The following SAMD5 variants were observed in gnomAD, a reference collection of about 807,000 sequenced individuals.
The protein encoded by SAMD5 is sterile alpha motif domain-containing protein 5.
In SAMD5, 13 loss-of-function variants were observed where a neutral mutation model predicts 11.3. That is an observed-to-expected ratio of 1.15 (90% CI 0.75 to 1.83). The LOEUF (loss-of-function observed/expected upper bound fraction) is 1.83. Ranked by LOEUF, SAMD5 falls within the 40% of genes most tolerant of loss-of-function variation. The probability of loss-of-function intolerance (pLI) is 0.00; values close to 1 mark genes in which losing one functional copy is unlikely to be tolerated. For missense variants in SAMD5, 255 were observed against 239.1 expected, an observed-to-expected ratio of 1.07 and a Z score of -0.44; for synonymous variants, 129 against 111.3, an observed-to-expected ratio of 1.16 and a Z score of -1.00.
the SAMD5 span, among the ~76,000 whole-genome samples, chr6:147,759,977 T>C: frequency 6.6e-6 from 1 of 152,364 alleles, no homozygotes; most frequent in Admixed American, 6.5e-5. Flanking sequence ...GAATTCATTG[T>C]GTAAAATTGA....
chr6:147,842,221 G>C, the SAMD5 span, among the ~76,000 whole-genome samples: 1 of 152,000 alleles, frequency 6.6e-6, no homozygotes, highest in South Asian at 2.1e-4. Flanking sequence ...TCAGTGGTCT[G>C]GTTAAAGTTG....
the SAMD5 span, among the ~76,000 whole-genome samples, chr6:147,798,026 A>G: frequency 6.6e-6 from 1 of 150,782 alleles, no homozygotes; most frequent in African/African-American, 2.5e-5. Flanking sequence ...CAGCTCCTGG[A>G]TTCATTAATT....
chr6:147,565,828 A>G lies in SAMD5; in HGVS notation c.*1372A>G. 1 of 985,398 alleles carries G rather than the reference A, an allele frequency of 1.0e-6. No homozygotes were observed. Among genetic ancestry groups the G allele is most frequent in the Non-Finnish European group, 1.2e-6 (1 of 829,924 alleles). The allele number at this position is 985,398 out of a possible 1,614,324, so 61.0% of individuals were successfully genotyped here. A position where few individuals can be genotyped will look rare whatever the true frequency, so the allele number is the denominator to read the frequency against. On this transcript the variant is annotated 3_prime_UTR_variant, in exon 2 of 2. Transcript: ENST00000367474. ...GTTGATGGGACCAAAAACTTAGTTG[A>G]AAGAAGCCATGGCAAAAGATGTTGA...
intron 1 of SAMD5, among the ~76,000 whole-genome samples, chr6:147,511,764 C>T (rs1424700150): frequency 2.0e-5 from 3 of 152,072 alleles, no homozygotes; most frequent in Admixed American, 6.6e-5. Context: ...TACCAGATCA[C>T]GTTGATCATT....
the SAMD5 span, among the ~76,000 whole-genome samples, chr6:147,771,391 C>A: frequency 6.6e-6 from 1 of 152,166 alleles, no homozygotes; most frequent in African/African-American, 2.4e-5. Context: ...TCACACGCAT[C>A]CCCTTTCCGG....
chr6:147,687,044 T>C (rs1791022144), intron 1 of SAMD5, among the ~76,000 whole-genome samples: 5 of 152,164 alleles, frequency 3.3e-5, no homozygotes, highest in Admixed American at 3.3e-4. Context: ...TACTGGAATT[T>C]TTATGGGTTT....
intron 1 of SAMD5, among the ~76,000 whole-genome samples, chr6:147,724,532 A>G (rs948898114): frequency 2.6e-5 from 4 of 152,184 alleles, no homozygotes; most frequent in African/African-American, 9.7e-5. Context: ...TGACAGAAGT[A>G]CTATTGAACT....
exon 2 of SAMD5, chr6:147,737,343 A>T: frequency 2.4e-6 from 3 of 1,261,756 alleles, no homozygotes; most frequent in Non-Finnish European, 3.1e-6. Flanking sequence ...ACCTTCAAGA[A>T]GTAATTTGCG....
chr6:147,740,655 T>C (rs1791868050), downstream of SAMD5, among the ~76,000 whole-genome samples: 1 of 152,228 alleles, frequency 6.6e-6, no homozygotes, highest in Admixed American at 6.5e-5. Context: ...TCAGAATATA[T>C]TATCAGATGT....
At chr6:147,607,166 T>C (rs907365762) in intron 1 of SAMD5, among the ~76,000 whole-genome samples, 2 of 152,096 alleles carry the variant, frequency 1.3e-5, no homozygotes, top group Admixed American at 6.6e-5. Flanking sequence ...TTTGAATTTT[T>C]TTAAATAGAA....
chr6:147,870,482 G>GTGTGTGTGTGTGTGTGTGTGTGTGTGTA, the SAMD5 span, among the ~76,000 whole-genome samples: 9 of 135,342 alleles, frequency 6.6e-5, no homozygotes, highest in Admixed American at 2.3e-4. Context: ...GTGTGTGTGT[G>GTGTGTGTGTGTGTGTGTGTGTGTGTGTA]TATATATATA....
In SAMD5 at chr6:147,724,010, T is replaced by C. The variant is rs548667404; in HGVS notation, c.163-13307T>C. Among the ~76,000 whole-genome samples the C allele has an allele frequency of 7.2e-5, 11 of 152,346 alleles. No individual in the cohort carries two copies. The East Asian group carries it at 1.9e-3, about 27-fold the overall frequency. ...TATAGGAGATACTTCTTCAATTGTA[T>C]TGAGCCACATTTATCCTCATGCAAA... On this transcript the variant is annotated intron_variant, in intron 1 of 1. Coordinates refer to the SAMD5 transcript ENST00000566741.
At chr6:147,712,822 A>AAAAAAG (rs58115947) in intron 1 of SAMD5, among the ~76,000 whole-genome samples, 3 of 151,518 alleles carry the variant, frequency 2.0e-5, no homozygotes, top group African/African-American at 7.3e-5. Context: ...AAAAAAAAAA[A>AAAAAAG]GTCTGTTGTT....
chr6:147,663,080 T>G (rs2128454621), intron 1 of SAMD5, among the ~76,000 whole-genome samples: 1 of 152,304 alleles, frequency 6.6e-6, no homozygotes, highest in African/African-American at 2.4e-5. Context: ...AGAAGAAGGA[T>G]TTGCTTTCAA....
rs1268641064 is a variant in SAMD5 at position 147,565,539 on chromosome 6, A to T, written c.*1083A>T. ...AGTGGCACAATCTTGGCTCACAGTG[A>T]CTTTCGCCTCCCAGGTTCAAGGAAT... On this transcript the variant is annotated 3_prime_UTR_variant, in exon 2 of 2. Transcript: ENST00000367474. 3 of 686,214 alleles carry T rather than the reference A, an allele frequency of 4.4e-6. No homozygotes were observed. The highest frequency in any genetic ancestry group is 6.3e-5 in the Admixed American group (1 of 15,772). The allele number at this position is 686,214 out of a possible 1,614,324, so 42.5% of individuals were successfully genotyped here.
the SAMD5 span, among the ~76,000 whole-genome samples, chr6:147,747,526 G>GT: frequency 6.6e-6 from 1 of 152,058 alleles, no homozygotes; most frequent in Non-Finnish European, 1.5e-5. Context: ...CTGTCTTTTT[G>GT]TTTTTTGAGA....
the SAMD5 span, among the ~76,000 whole-genome samples, chr6:147,887,134 C>T: frequency 6.6e-6 from 1 of 152,066 alleles, no homozygotes; most frequent in African/African-American, 2.4e-5. Flanking sequence ...CTATTCTCAC[C>T]ACTACTTTTT....
intron 1 of SAMD5, among the ~76,000 whole-genome samples, chr6:147,673,746 C>T (rs1790827745): frequency 2.0e-5 from 3 of 151,830 alleles, no homozygotes; most frequent in Admixed American, 6.6e-5. Context: ...ATCAATTCTT[C>T]GGTGATGAGA....
chr6:147,662,387 A>C (rs1251644539), intron 1 of SAMD5, among the ~76,000 whole-genome samples: 1 of 152,222 alleles, frequency 6.6e-6, no homozygotes, highest in Non-Finnish European at 1.5e-5. Flanking sequence ...TAAATTTGTA[A>C]ACTCACTCTG....
Sources: allele counts gnomAD v4.1 joint callset (sites outside exome capture counted in the v4.1 genomes callset), GRCh38; gene constraint gnomAD v4.1.1; transcripts MANE v1.5; gene names NCBI Gene and HGNC (gene_info 2026-07-23, HGNC 2026-07-21).